The following SFI1 variants were observed in gnomAD, a reference collection of about 807,000 sequenced individuals.
SFI1 encodes the protein protein SFI1 homolog.
In SFI1, 195 loss-of-function variants were observed where a neutral mutation model predicts 207.5. The observed-to-expected ratio is 0.94, with a 90% CI of 0.84 to 1.06. The LOEUF is 1.06. Among genes scored for constraint, SFI1 ranks in the 50% least tolerant of loss-of-function variants. SFI1 has a pLI of 0.00. For synonymous variants in SFI1, 630 were observed against 598.9 expected (o/e 1.05, Z -0.76); for missense variants, 1,634 against 1,588.0 (o/e 1.03, Z -0.49).
intron 2 of SFI1, among the ~76,000 whole-genome samples, chr22:31,522,350 G>A (rs557680454): frequency 6.6e-6 from 1 of 152,026 alleles, no homozygotes. Context: ...GAGCCACCAC[G>A]CCTGGCCTAT....
chr22:31,569,557 G>A (rs2062733152), intron 8 of SFI1, among the ~76,000 whole-genome samples: 1 of 151,938 alleles, frequency 6.6e-6, no homozygotes. Flanking sequence ...GCATGAAAGA[G>A]AAAAAAAGCA....
intron 14 of SFI1, among the ~76,000 whole-genome samples, chr22:31,588,268 C>G (rs1387665744): frequency 6.6e-6 from 1 of 152,212 alleles, no homozygotes; most frequent in Non-Finnish European, 1.5e-5. Context: ...TATGACCTCT[C>G]TGTGAGGCTT....
intron 12 of SFI1, among the ~76,000 whole-genome samples, chr22:31,582,493 C>A (rs2064460257): frequency 6.6e-6 from 1 of 151,392 alleles, no homozygotes; most frequent in African/African-American, 2.4e-5. Context: ...CTTTGGTGAT[C>A]CTCCCACCTC....
chr22:31,528,409 G>A (rs947829305), intron 2 of SFI1, among the ~76,000 whole-genome samples: 1 of 152,202 alleles, frequency 6.6e-6, no homozygotes, highest in Non-Finnish European at 1.5e-5. Context: ...GGGCAACGGA[G>A]TAAGAACCTG....
At chr22:31,583,270 C>T (rs1182037454) in intron 12 of SFI1, among the ~76,000 whole-genome samples, 3 of 152,108 alleles carry the variant, frequency 2.0e-5, no homozygotes, top group African/African-American at 7.2e-5. Flanking sequence ...TGTGCCATCA[C>T]GCCCGGCTAA....
At chr22:31,563,650 A>G (rs2061960038) in intron 8 of SFI1, among the ~76,000 whole-genome samples, 1 of 151,940 alleles carries the variant, frequency 6.6e-6, no homozygotes, top group Non-Finnish European at 1.5e-5. Context: ...CAGTGGCACG[A>G]TCTTGGCTCA....
chr22:31,557,838 T>C (rs961903857), intron 7 of SFI1, among the ~76,000 whole-genome samples: 2 of 152,202 alleles, frequency 1.3e-5, no homozygotes, highest in Non-Finnish European at 2.9e-5. Context: ...ATCAGCATTG[T>C]AGACATACTG....
At chr22:31,599,359 T>A (rs1175110252) in intron 15 of SFI1, among the ~76,000 whole-genome samples, 2 of 151,746 alleles carry the variant, frequency 1.3e-5, no homozygotes, top group Non-Finnish European at 2.9e-5. Context: ...TCTCGCTCTA[T>A]TGCCAGGCTG....
At chr22:31,559,789 G>T in intron 7 of SFI1, 1 of 729,716 alleles carries the variant, frequency 1.4e-6, no homozygotes, top group Non-Finnish European at 2.5e-6. Flanking sequence ...CCAGTGGTCT[G>T]GACAAGAAGC....
chr22:31,614,004 C>T lies in SFI1; in HGVS notation c.2996+149C>T, dbSNP rs1461411067. Reference sequence around the variant, plus strand: ...CTGCTGGGAACCCCCTCTTCTCCAGCCAGATCCCATCCCTCCCACGGCAAG... The same window carrying T: ...CTGCTGGGAACCCCCTCTTCTCCAGTCAGATCCCATCCCTCCCACGGCAAG... On this transcript the variant is annotated intron_variant, in intron 27 of 32. Transcript: ENST00000400288. 2.7e-6 allele frequency: 3 copies of T among 1,101,822 alleles called. No homozygotes were observed. The East Asian group carries it at 7.9e-5, about 29-fold the overall frequency. The allele number at this position is 1,101,822 out of a possible 1,614,324, so 68.3% of individuals were successfully genotyped here. A position where few individuals can be genotyped will look rare whatever the true frequency, so the allele number is the denominator to read the frequency against.
rs1295186098 is a variant in SFI1, at chr22:31,613,335, C to T, written c.2566-19C>T. ...TCTAAGCAGGGAGACCTGGGCCTCA[C>T]CTCCTGCCCTCCCTGGAGGTGTGGG... On this transcript the variant is annotated intron_variant, in intron 25 of 32. Coordinates refer to ENST00000400288, the MANE Select transcript of SFI1 (RefSeq NM_001007467.3). 1.3e-5 allele frequency: 21 copies of T among 1,603,452 alleles called. 1 individual carries two copies. The East Asian group carries it at 4.5e-4, about 34-fold the overall frequency.
At chr22:31,506,551 C>G (rs1385783477) in intron 1 of SFI1, among the ~76,000 whole-genome samples, 1 of 152,120 alleles carries the variant, frequency 6.6e-6, no homozygotes, top group Non-Finnish European at 1.5e-5. Flanking sequence ...GCTCTCCTCT[C>G]AGTTTCCTTC....
intron 1 of SFI1, among the ~76,000 whole-genome samples, chr22:31,501,273 GC>G (rs1156808686): frequency 6.6e-6 from 1 of 151,258 alleles, no homozygotes; most frequent in African/African-American, 2.4e-5. Context: ...CTGGGTTCAC[GC>G]CATTCTCCTC....
intron 4 of SFI1, among the ~76,000 whole-genome samples, chr22:31,542,101 TA>T (rs10651316): frequency 0.014 from 1,575 of 114,406 alleles, 14 homozygotes; most frequent in Middle Eastern, 0.045. Flanking sequence ...ACCCCGTCTT[TA>T]AAAAAAAAAA....
intron 22 of SFI1, among the ~76,000 whole-genome samples, chr22:31,608,712 G>A (rs1390304551): frequency 6.6e-6 from 1 of 152,086 alleles, no homozygotes; most frequent in Non-Finnish European, 1.5e-5. Flanking sequence ...TGATGGGAAA[G>A]TCCTTGCTGC....
At chr22:31,542,877 G>T (rs1440427002) in intron 4 of SFI1, among the ~76,000 whole-genome samples, 1 of 151,758 alleles carries the variant, frequency 6.6e-6, no homozygotes, top group African/African-American at 2.4e-5. Flanking sequence ...GGCCAGGCTG[G>T]TCTCAAACTC....
intron 24 of SFI1, chr22:31,612,398 A>AAATATAT (rs1556369798): frequency 5.0e-5 from 3 of 60,200 alleles, no homozygotes; most frequent in Admixed American, 2.3e-4. Flanking sequence ...AAAAAAAAAA[A>AAATATAT]ATATATATAT....
In SFI1 at chr22:31,578,460, C is replaced by T. The variant is rs554181933; in HGVS notation, c.1155+8C>T. 6.2e-7 allele frequency: 1 copy of T among 1,612,312 alleles called. No homozygotes were observed. Among genetic ancestry groups the T allele is most frequent in the Non-Finnish European group, 8.5e-7 (1 of 1,178,968 alleles). Reference sequence around the variant, plus strand: ...CACAGGCACAGCCAGCTGGTAAGAGCCCTGCATCCTGGCACGGGTCCGCTT... The same window carrying T: ...CACAGGCACAGCCAGCTGGTAAGAGTCCTGCATCCTGGCACGGGTCCGCTT... On this transcript the variant is annotated splice_region_variant and intron_variant, in intron 11 of 32. Transcript: ENST00000400288.
intron 9 of SFI1, 25 bp from the exon 10 acceptor site, chr22:31,575,206 C>G: frequency 6.3e-7 from 1 of 1,586,352 alleles, no homozygotes; most frequent in Non-Finnish European, 8.6e-7. Flanking sequence ...AGGGGAGTAG[C>G]ACTTAAGTTA....
Sources: gnomAD v4.1 joint callset for allele counts (sites outside exome capture counted in the v4.1 genomes callset) on GRCh38, gnomAD v4.1.1 for gene constraint, MANE v1.5 for transcripts, NCBI Gene and HGNC (gene_info 2026-07-23, HGNC 2026-07-21) for gene names.